Variants in CNPY1 observed in about 807,000 individuals in gnomAD.
The protein encoded by CNPY1 is canopy FGF signaling regulator 1.
A neutral mutation model predicts 14.4 loss-of-function variants in CNPY1; 14 were observed. That is an observed-to-expected ratio of 0.97 (90% CI 0.64 to 1.52). The LOEUF (loss-of-function observed/expected upper bound fraction) is 1.52, where lower values mean the gene tolerates loss of function less well. Ranked by LOEUF, CNPY1 falls within the 40% of genes most tolerant of loss-of-function variation. The pLI is 0.00. For synonymous variants in CNPY1, 43 were observed against 46.5 expected (o/e 0.92, Z 0.31); for missense variants, 129 against 131.5 (o/e 0.98, Z 0.09).
intron 2 of CNPY1, among the ~76,000 whole-genome samples, chr7:155,520,159 A>C (rs1796691377): frequency 6.6e-6 from 1 of 152,212 alleles, no homozygotes; most frequent in Non-Finnish European, 1.5e-5. Context: ...TCTATAAAAT[A>C]AGCTGCAAGC....
At chr7:155,528,624 G>C (rs1412224667) in intron 2 of CNPY1, among the ~76,000 whole-genome samples, 1 of 152,226 alleles carries the variant, frequency 6.6e-6, no homozygotes, top group African/African-American at 2.4e-5. Flanking sequence ...TGGCTCTCCA[G>C]GGCCAGCTGA....
intron 2 of CNPY1, among the ~76,000 whole-genome samples, chr7:155,524,296 C>T (rs1483167538): frequency 2.6e-5 from 4 of 152,342 alleles, no homozygotes; most frequent in East Asian, 3.9e-4. Context: ...CTCCAAGATA[C>T]GAATGACAAA....
At chr7:155,508,059 C>A (rs1796388715) in intron 3 of CNPY1, among the ~76,000 whole-genome samples, 1 of 152,196 alleles carries the variant, frequency 6.6e-6, no homozygotes, top group Non-Finnish European at 1.5e-5. Flanking sequence ...AAAATAAAAT[C>A]TTTAAAAATC....
chr7:155,513,214 T>TAAA (rs2116698636), intron 2 of CNPY1, among the ~76,000 whole-genome samples: 3 of 152,318 alleles, frequency 2.0e-5, no homozygotes, highest in Admixed American at 2.0e-4. Flanking sequence ...AGGCACTCAT[T>TAAA]TCGATGAGGA....
At chr7:155,526,223 G>T (rs1490763734) in intron 2 of CNPY1, among the ~76,000 whole-genome samples, 4 of 152,222 alleles carry the variant, frequency 2.6e-5, no homozygotes, top group Admixed American at 2.0e-4. Context: ...CCAACTCAGT[G>T]TGGGGGAGCA....
At chr7:155,503,140 T>C in intron 4 of CNPY1, 35 bp from the exon 5 acceptor site, 5 of 1,545,332 alleles carry the variant, frequency 3.2e-6, no homozygotes, top group Non-Finnish European at 4.4e-6. Flanking sequence ...AGCATCATTA[T>C]CACTTTAGAC....
At chr7:155,531,120 C>A (rs1221891296) in intron 2 of CNPY1, among the ~76,000 whole-genome samples, 1 of 152,206 alleles carries the variant, frequency 6.6e-6, no homozygotes, top group Non-Finnish European at 1.5e-5. Flanking sequence ...GAGCACAGAA[C>A]CAATCTGACT....
At chr7:155,510,790 C>T (rs1796512692) in intron 2 of CNPY1, among the ~76,000 whole-genome samples, 1 of 152,110 alleles carries the variant, frequency 6.6e-6, no homozygotes, top group African/African-American at 2.4e-5. Context: ...GCAAAGAATA[C>T]GTAGATTAAC....
At chr7:155,509,547 C>CGA (rs372643253) in intron 2 of CNPY1, among the ~76,000 whole-genome samples, 6,208 of 151,706 alleles carry the variant, frequency 0.041, 188 homozygotes, top group South Asian at 0.099. Context: ...GGAGAGAGAG[C>CGA]GAGAGAGAGA....
intron 2 of CNPY1, among the ~76,000 whole-genome samples, chr7:155,519,562 T>A (rs1205785181): frequency 7.3e-6 from 1 of 136,430 alleles, no homozygotes; most frequent in Non-Finnish European, 1.5e-5. Flanking sequence ...AATAAATAAA[T>A]AAGAAAGAAA....
chr7:155,508,876 G>T lies in CNPY1; in HGVS notation c.303+18C>A. The T allele has an allele frequency of 6.2e-7, 1 of 1,611,644 alleles. No homozygotes were observed. On this transcript the variant is annotated intron_variant, in intron 3 of 4. Transcript: ENST00000636446. ...CGTTTCTGGATCATACGATTCATCT[G>T]CAAGGAAGAGAGCTTACCGCAAATT...
At chr7:155,535,946 G>A (rs1797018955) in intron 2 of CNPY1, among the ~76,000 whole-genome samples, 1 of 152,208 alleles carries the variant, frequency 6.6e-6, no homozygotes, top group South Asian at 2.1e-4. Flanking sequence ...GGAGGGTATT[G>A]TGGTATGAAG....
chr7:155,524,220 T>C (rs543999389), intron 2 of CNPY1, among the ~76,000 whole-genome samples: 1 of 152,336 alleles, frequency 6.6e-6, no homozygotes, highest in South Asian at 2.1e-4. Flanking sequence ...GCCCCGAGGC[T>C]AGAGGTGGGG....
intron 3 of CNPY1, among the ~76,000 whole-genome samples, chr7:155,507,712 T>TA (rs894492360): frequency 2.7e-5 from 4 of 150,824 alleles, no homozygotes; most frequent in Admixed American, 1.3e-4. Context: ...TCACTTCACT[T>TA]AAAAAAAAAT....
At chr7:155,534,445 A>T (rs1353877216) in intron 2 of CNPY1, among the ~76,000 whole-genome samples, 1 of 152,162 alleles carries the variant, frequency 6.6e-6, no homozygotes, top group Non-Finnish European at 1.5e-5. Context: ...TTGCATGTGC[A>T]CACACAGACA....
intron 3 of CNPY1, among the ~76,000 whole-genome samples, chr7:155,507,439 G>C (rs10215906): frequency 8.4e-6 from 1 of 118,878 alleles, no homozygotes; most frequent in Non-Finnish European, 1.6e-5. Flanking sequence ...ACCTCCTATC[G>C]AAGGAGCTGA....
rs796236406 is a variant in CNPY1, at chr7:155,508,999, C to T, written c.198G>A (p.Lys66=). The stretch of plus-strand genomic sequence containing the variant: ...GAGCGAATCTCTTGAAAGTTCTCTC[C>T]TTCGTCACAGGGTCTTCCTCAAGCT... ...DYKLEEDPVT[K]ERTFKRFAPR... is the part of the protein sequence containing the mutation. Residue 66 remains lysine (K), a synonymous_variant, in exon 3 of 5, where the codon AAG becomes AAA. Coordinates refer to ENST00000636446, the MANE Select transcript of CNPY1 (RefSeq NM_001393663.1). 3.1e-6 allele frequency: 5 copies of T among 1,613,258 alleles called. No homozygotes were observed. The highest frequency in any genetic ancestry group is 2.7e-5 in the African/African-American group (2 of 75,028).
At chr7:155,542,366 C>G (rs1451572500) in intron 2 of CNPY1, among the ~76,000 whole-genome samples, 1 of 152,120 alleles carries the variant, frequency 6.6e-6, no homozygotes, top group Non-Finnish European at 1.5e-5. Flanking sequence ...CAGAGCACCC[C>G]TTGCTCATGG....
At chr7:155,533,491 G>A (rs1304910815) in intron 2 of CNPY1, among the ~76,000 whole-genome samples, 1 of 152,180 alleles carries the variant, frequency 6.6e-6, no homozygotes, top group Non-Finnish European at 1.5e-5. Context: ...GAATGACAGC[G>A]AGGTGCACGC....
Sources: gnomAD v4.1 joint callset for allele counts (sites outside exome capture counted in the v4.1 genomes callset) on GRCh38, gnomAD v4.1.1 for gene constraint, MANE v1.5 for transcripts, NCBI Gene and HGNC (gene_info 2026-07-23, HGNC 2026-07-21) for gene names.